SBF2: variants seen among roughly 807,000 people sequenced by gnomAD.
SBF2 encodes the protein SET binding factor 2.
Under a neutral mutation model 225.2 loss-of-function variants are expected in SBF2, and 112 were observed. That is an observed-to-expected ratio of 0.50 (90% CI 0.43 to 0.58). The LOEUF is 0.58. Among genes scored for constraint, SBF2 ranks in the 20% least tolerant of loss-of-function variants. The pLI, the probability that SBF2 is intolerant of heterozygous loss-of-function variation, is 0.00. For synonymous variants in SBF2, 763 were observed against 773.3 expected (o/e 0.99, Z 0.22); for missense variants, 1,996 against 2,206.2 (o/e 0.90, Z 1.91).
chr11:10,292,592 T>C (rs980402028), intron 1 of SBF2, among the ~76,000 whole-genome samples: 6 of 149,750 alleles, frequency 4.0e-5, no homozygotes, highest in Non-Finnish European at 5.9e-5. Flanking sequence ...AGGCAGAGAA[T>C]TGCTTCAACC....
chr11:9,856,634 C>T lies in SBF2; in HGVS notation c.2187G>A (p.Lys729=). The T allele has an allele frequency of 6.2e-7, 1 of 1,614,196 alleles. No homozygotes were observed. The highest frequency in any genetic ancestry group is 2.2e-5 in the East Asian group (1 of 44,886). ...GTTGCACTAGCTCTTGCTGAGTTGA[C>T]TTGCTCAGGGTAGGCCAAAGGCGTA... is the stretch of plus-strand genomic sequence containing the variant. ...EQLRLWPTLS[K]STQQELVQHE... Residue 729 remains lysine (K), a synonymous_variant, in exon 19 of 40, where the codon AAG becomes AAA. Transcript: ENST00000256190.
At chr11:10,028,035 T>C (rs951767718) in intron 6 of SBF2, among the ~76,000 whole-genome samples, 4 of 152,192 alleles carry the variant, frequency 2.6e-5, no homozygotes, top group Non-Finnish European at 5.9e-5. Flanking sequence ...TCAGCCTCCC[T>C]AGTAGCTGAG....
intron 1 of SBF2, among the ~76,000 whole-genome samples, chr11:10,222,159 A>G (rs1465038953): frequency 6.6e-6 from 1 of 152,214 alleles, no homozygotes; most frequent in Non-Finnish European, 1.5e-5. Flanking sequence ...CCTGCTAACA[A>G]GCATCAACAC....
chr11:10,042,981 A>T lies in SBF2; in HGVS notation c.142T>A (p.Phe48Ile), dbSNP rs1034500384. 2 of 1,613,450 alleles carry T rather than the reference A, an allele frequency of 1.2e-6. No individual in the cohort carries two copies. The highest frequency in any genetic ancestry group is 2.7e-5 in the African/African-American group (2 of 74,902). The part of the protein sequence containing the change: ...DTPFPQGIEL[F>I]CQPGGWQLSR... ...AGCTGCCACCCGCCAGGCTGACAAA[A>T]CTAAATGAAATAGAAAAAAAAATGT... is the stretch of plus-strand genomic sequence containing the variant. Residue 48 changes from phenylalanine to isoleucine, a missense_variant and splice_region_variant, in exon 3 of 40, where the codon TTT (phenylalanine) becomes ATT (isoleucine). Physicochemically the swap from Phe to Ile is conservative, Grantham distance 21. Transcript: ENST00000256190.
At chr11:9,923,905 T>G in intron 16 of SBF2, among the ~76,000 whole-genome samples, 1 of 152,162 alleles carries the variant, frequency 6.6e-6, no homozygotes, top group East Asian at 1.9e-4. Context: ...ATTTATTAGC[T>G]TGGGTTGAAT....
chr11:10,028,425 A>C (rs768979519), intron 6 of SBF2, 27 bp downstream of exon 6: 2 of 1,335,070 alleles, frequency 1.5e-6, no homozygotes, highest in Non-Finnish European at 2.2e-6. Flanking sequence ...CTACAAGATG[A>C]CATTGAAAAT....
chr11:10,066,112 C>G (rs1376925438), intron 2 of SBF2, among the ~76,000 whole-genome samples: 1 of 152,048 alleles, frequency 6.6e-6, no homozygotes, highest in Non-Finnish European at 1.5e-5. Context: ...GATGGCTTCA[C>G]TGGTAAATTC....
In SBF2 at chr11:9,788,686, G is replaced by A. The variant is rs183783339; in HGVS notation, c.4932+423C>T. Among the ~76,000 whole-genome samples the A allele has an allele frequency of 2.4e-3, 352 of 148,796 alleles. 3 individuals carry two copies. The highest frequency in any genetic ancestry group is 8.6e-3 in the African/African-American group (344 of 40,186). ...CTCTGCTCCCTGCAAGCTCCGCCTC[G>A]CAGGTTCATGCCATTCTCCTGCCTC... On this transcript the variant is annotated intron_variant, in intron 35 of 39. Transcript: ENST00000256190.
Position 9,962,955 on chromosome 11 carries a change from T to C in SBF2, c.1710+818A>G, listed in dbSNP as rs1866673117. Among the ~76,000 whole-genome samples the C allele has an allele frequency of 1.3e-5, 2 of 152,094 alleles. 1 individual carries two copies. Among genetic ancestry groups the C allele is most frequent in the African/African-American group, 4.8e-5 (2 of 41,396 alleles). ...AGCACTGGGTCAGTCAGTGTAAAGGTAAACATTTCTACATGCTTTAACCAA... is the reference window on the plus strand; with the variant it reads ...AGCACTGGGTCAGTCAGTGTAAAGGCAAACATTTCTACATGCTTTAACCAA... On this transcript the variant is annotated intron_variant, in intron 15 of 39. Transcript: ENST00000256190.
chr11:10,022,404 AT>A (rs1270404699), intron 6 of SBF2, among the ~76,000 whole-genome samples: 1 of 152,200 alleles, frequency 6.6e-6, no homozygotes, highest in Non-Finnish European at 1.5e-5. Flanking sequence ...GGTTTTAAAA[AT>A]ATATTAGTTA....
At chr11:10,098,244 C>T (rs926275046) in intron 2 of SBF2, among the ~76,000 whole-genome samples, 1 of 152,038 alleles carries the variant, frequency 6.6e-6, no homozygotes, top group African/African-American at 2.4e-5. Flanking sequence ...AGGCTCTCAA[C>T]AATGGACCTA....
chr11:10,126,641 T>A (rs1350375951), intron 2 of SBF2, among the ~76,000 whole-genome samples: 1 of 152,068 alleles, frequency 6.6e-6, no homozygotes, highest in Non-Finnish European at 1.5e-5. Context: ...ACTGAAAAAT[T>A]AAACACAAAA....
intron 2 of SBF2, among the ~76,000 whole-genome samples, chr11:10,101,675 G>A (rs1315394619): frequency 1.3e-5 from 2 of 151,744 alleles, no homozygotes; most frequent in East Asian, 3.9e-4. Context: ...GTGTGTGTGT[G>A]TGTGTGTGTG....
chr11:9,979,237 T>A lies in SBF2; in HGVS notation c.1395+10260A>T, dbSNP rs58977841. Among the ~76,000 whole-genome samples, 134 of 152,280 alleles carry A rather than the reference T, an allele frequency of 8.8e-4. 1 individual carries two copies. In the East Asian group the frequency reaches 0.022, roughly 25 times the overall value. On this transcript the variant is annotated intron_variant, in intron 13 of 39. Transcript: ENST00000256190. Reference sequence around the variant, plus strand: ...TGTCGTTATGAGGATGAGAGATAATTGTATGTAAAGTGCTTAATTCCATGC... The same window carrying A: ...TGTCGTTATGAGGATGAGAGATAATAGTATGTAAAGTGCTTAATTCCATGC...
chr11:9,893,276 C>T (rs1190272011), intron 17 of SBF2, among the ~76,000 whole-genome samples: 1 of 152,034 alleles, frequency 6.6e-6, no homozygotes, highest in African/African-American at 2.4e-5. Context: ...AATAATTTTC[C>T]AAAGGGTAAA....
At chr11:10,126,697 A>T (rs1253115030) in intron 2 of SBF2, among the ~76,000 whole-genome samples, 1 of 152,160 alleles carries the variant, frequency 6.6e-6, no homozygotes, top group Non-Finnish European at 1.5e-5. Context: ...TATCCAAAAG[A>T]ACTGACACCA....
intron 1 of SBF2, among the ~76,000 whole-genome samples, chr11:10,201,566 TA>T (rs1206018101): frequency 4.6e-5 from 7 of 152,352 alleles, no homozygotes; most frequent in South Asian, 2.1e-4. Flanking sequence ...TGTGGTTATT[TA>T]AAAATTTAGG....
intron 16 of SBF2, among the ~76,000 whole-genome samples, chr11:9,947,960 G>A (rs1258191625): frequency 6.6e-6 from 1 of 152,100 alleles, no homozygotes; most frequent in Non-Finnish European, 1.5e-5. Context: ...CTGAAAGCAG[G>A]AGCTTGAAGA....
intron 32 of SBF2, among the ~76,000 whole-genome samples, chr11:9,805,834 G>C (rs1853802131): frequency 6.6e-6 from 1 of 152,124 alleles, no homozygotes; most frequent in Non-Finnish European, 1.5e-5. Flanking sequence ...ATGTTGGCCA[G>C]GATGGTTTTG....
Sources: gnomAD v4.1 joint callset for allele counts (sites outside exome capture counted in the v4.1 genomes callset) on GRCh38, gnomAD v4.1.1 for gene constraint, MANE v1.5 for transcripts, NCBI Gene and HGNC (gene_info 2026-07-23, HGNC 2026-07-21) for gene names.